Variants in BIRC6 observed in about 807,000 individuals in gnomAD.
BIRC6 encodes dual E2 ubiquitin-conjugating enzyme/E3 ubiquitin-protein ligase BIRC6.
BIRC6 carries 98 observed loss-of-function variants against 503.3 expected under a neutral mutation model. The ratio of observed to expected loss-of-function variants is 0.19; its 90% CI spans 0.17 to 0.23. The LOEUF (loss-of-function observed/expected upper bound fraction) is 0.23. Ranked by LOEUF, BIRC6 falls within the 10% of genes least tolerant of loss-of-function variation. BIRC6 has a pLI of 1.00. For missense variants in BIRC6, 5,360 were observed against 5,806.0 expected (o/e 0.92, Z 2.50); for synonymous variants, 2,240 against 2,078.7 (o/e 1.08, Z -2.11).
Position 32,603,068 on chromosome 2 carries a change from C to T in BIRC6, c.14055C>T (p.Thr4685=). ...GRPEEKWNPQ[T]SSFLQVLVSV... ...CAGAAGAGAAGTGGAATCCTCAGAC[C>T]TCAAGCTTTTTGCAAGTAAACAAAA... Residue 4685 remains threonine (T), a synonymous_variant, in exon 71 of 74, where the codon ACC becomes ACT. Coordinates refer to ENST00000421745, the MANE Select transcript of BIRC6 (RefSeq NM_016252.4). 6.2e-7 allele frequency: 1 copy of T among 1,610,426 alleles called. No individual in the cohort carries two copies. Among genetic ancestry groups the T allele is most frequent in the Admixed American group, 1.7e-5 (1 of 59,316 alleles).
intron 8 of BIRC6, among the ~76,000 whole-genome samples, chr2:32,402,519 A>C (rs1051867249): frequency 6.6e-6 from 1 of 152,164 alleles, no homozygotes; most frequent in Non-Finnish European, 1.5e-5. Context: ...GAATAATGTA[A>C]AGTTTTATTA....
intron 65 of BIRC6, among the ~76,000 whole-genome samples, chr2:32,573,807 C>G (rs1033553986): frequency 6.6e-6 from 1 of 152,058 alleles, no homozygotes; most frequent in African/African-American, 2.4e-5. Context: ...GCAATTCTGT[C>G]ATTCGTTTTC....
chr2:32,579,437 C>A (rs2060513805), intron 66 of BIRC6, among the ~76,000 whole-genome samples: 1 of 152,082 alleles, frequency 6.6e-6, no homozygotes, highest in East Asian at 1.9e-4. Flanking sequence ...ATCCCAGTGC[C>A]AGCACTTTGG....
intron 45 of BIRC6, 149 bp from the exon 46 acceptor site, chr2:32,499,398 T>TCA (rs2052879556): frequency 5.8e-6 from 4 of 683,832 alleles, no homozygotes; most frequent in Non-Finnish European, 9.2e-6. Context: ...CCTAATGAAA[T>TCA]AGTGAATATC....
At chr2:32,436,870 G>GT (rs1165297814) in intron 15 of BIRC6, among the ~76,000 whole-genome samples, 6 of 138,748 alleles carry the variant, frequency 4.3e-5, no homozygotes, top group Non-Finnish European at 7.6e-5. Context: ...GCCAAGAGAG[G>GT]TTTTTTTTGT....
chr2:32,374,196 TAAAAA>T (rs573843007), intron 1 of BIRC6, among the ~76,000 whole-genome samples: 3 of 152,088 alleles, frequency 2.0e-5, no homozygotes, highest in Non-Finnish European at 4.4e-5. Flanking sequence ...TTACCACAAT[TAAAAA>T]AACTACATAA....
At chr2:32,554,759 TTA>T (rs2150508061) in intron 65 of BIRC6, among the ~76,000 whole-genome samples, 1 of 152,270 alleles carries the variant, frequency 6.6e-6, no homozygotes, top group Admixed American at 6.5e-5. Context: ...TTTTTTTACT[TTA>T]TGTTACCTTT....
chr2:32,529,427 C>T (rs1430542937), intron 59 of BIRC6: 8 of 396,538 alleles, frequency 2.0e-5, no homozygotes, highest in Non-Finnish European at 3.1e-5. Context: ...TTACGTTTTG[C>T]CCATGACTTT....
chr2:32,379,901 A>T (rs2037375264), intron 2 of BIRC6, among the ~76,000 whole-genome samples: 1 of 151,994 alleles, frequency 6.6e-6, no homozygotes, highest in South Asian at 2.1e-4. Flanking sequence ...GATTTGGTTT[A>T]CAATAACTAC....
rs1400791755 is a variant in BIRC6, at chr2:32,467,928, G to C, written c.5597G>C (p.Ser1866Thr). Residue 1866 changes from serine to threonine, a missense_variant, in exon 28 of 74, where the codon AGT (serine) becomes ACT (threonine). By Grantham distance (58) the Ser-to-Thr change is moderately conservative. Around this residue, in one of 16 missense-constraint regions of BIRC6, gnomAD observed 2,299 missense variants for 2,267.2 expected, o/e 1.01. Coordinates refer to ENST00000421745, the MANE Select transcript of BIRC6 (RefSeq NM_016252.4). Reference protein sequence around the residue: ...MKITVIGRYGSTNARAKIPLG... With the variant: ...MKITVIGRYGTTNARAKIPLG... ...ATCACTGTTATTGGACGTTACGGGAGTACAAATGCCAGAGCCAAAATCCCA... is the reference window on the plus strand; with the variant it reads ...ATCACTGTTATTGGACGTTACGGGACTACAAATGCCAGAGCCAAAATCCCA... The C allele has an allele frequency of 6.2e-7, 1 of 1,613,152 alleles. No individual in the cohort carries two copies. Among genetic ancestry groups the C allele is most frequent in the Non-Finnish European group, 8.5e-7 (1 of 1,179,594 alleles).
Position 32,575,225 on chromosome 2 carries a change from G to C in BIRC6, c.13214G>C (p.Cys4405Ser). 1 of 1,614,002 alleles carries C rather than the reference G, an allele frequency of 6.2e-7. No homozygotes were observed. The highest frequency in any genetic ancestry group is 8.5e-7 in the Non-Finnish European group (1 of 1,179,894). ...LLELLRAIAS[C>S]AAMVPLLLPL... The stretch of plus-strand genomic sequence containing the variant: ...GAATTGCTTCGGGCCATTGCTTCTT[G>C]TGCTGCCATGGTGCCCCTATTGTTG... Residue 4405 changes from cysteine to serine, a missense_variant, in exon 66 of 74, where the codon TGT becomes TCT. Around this residue, in one of 16 missense-constraint regions of BIRC6, gnomAD observed 477 missense variants for 574.4 expected, o/e 0.83. Coordinates refer to ENST00000421745, the MANE Select transcript of BIRC6 (RefSeq NM_016252.4).
intron 65 of BIRC6, among the ~76,000 whole-genome samples, chr2:32,562,650 A>C (rs1433826064): frequency 6.6e-6 from 1 of 152,166 alleles, no homozygotes; most frequent in Non-Finnish European, 1.5e-5. Context: ...TACTGTCTCC[A>C]TAGTTGTGCC....
At chr2:32,442,487 T>C (rs778880837) in intron 19 of BIRC6, 32 bp downstream of exon 19, 37 of 1,562,016 alleles carry the variant, frequency 2.4e-5, no homozygotes, top group Admixed American at 3.9e-5. Flanking sequence ...AAGCATACTT[T>C]CTAGGTACAC....
intron 57 of BIRC6, 129 bp downstream of exon 57, chr2:32,519,075 C>G (rs1272806600): frequency 1.7e-5 from 15 of 900,312 alleles, no homozygotes; most frequent in Non-Finnish European, 2.4e-5. Flanking sequence ...TTCAAGACAT[C>G]TTTATAGTTT....
chr2:32,491,685 AAAGG>A, intron 44 of BIRC6, 127 bp downstream of exon 44: 1 of 1,061,392 alleles, frequency 9.4e-7, no homozygotes, highest in Non-Finnish European at 1.3e-6. Flanking sequence ...ATATAATAAA[AAAGG>A]TTTTGTTATT....
chr2:32,611,973 T>C (rs1163764420), intron 73 of BIRC6, among the ~76,000 whole-genome samples: 1 of 152,194 alleles, frequency 6.6e-6, no homozygotes, highest in Non-Finnish European at 1.5e-5. Flanking sequence ...ACTCCTGGGC[T>C]CAAGCAGTCC....
intron 39 of BIRC6, among the ~76,000 whole-genome samples, chr2:32,483,849 ATC>A (rs1301987399): frequency 6.6e-6 from 1 of 152,126 alleles, no homozygotes; most frequent in Admixed American, 6.5e-5. Flanking sequence ...CATGATTTTG[ATC>A]TCTCTCATTA....
intron 46 of BIRC6, among the ~76,000 whole-genome samples, chr2:32,500,420 A>T (rs939126056): frequency 3.6e-5 from 5 of 140,438 alleles, no homozygotes; most frequent in Admixed American, 7.1e-5. Flanking sequence ...CACCCAGCTA[A>T]TTTTTTTTTT....
At chr2:32,460,270 ATATTTTTTTTTTT>A (rs1214248869) in intron 23 of BIRC6, among the ~76,000 whole-genome samples, 1 of 24,194 alleles carries the variant, frequency 4.1e-5, no homozygotes, top group Non-Finnish European at 7.4e-5. Context: ...ATATATATAT[ATATTTTTTTTTTT>A]TTTTTTTTTT....
Sources: allele counts gnomAD v4.1 joint callset (sites outside exome capture counted in the v4.1 genomes callset), GRCh38; gene constraint gnomAD v4.1.1; regional missense constraint gnomAD v4.1.1; transcripts MANE v1.5; gene names NCBI Gene and HGNC (gene_info 2026-07-23, HGNC 2026-07-21).